The following ILRUN variants were observed in gnomAD, a reference collection of about 807,000 sequenced individuals.
ILRUN encodes the protein protein ILRUN.
ILRUN carries 3 observed loss-of-function variants against 33.8 expected under a neutral mutation model. The ratio of observed to expected loss-of-function variants is 0.09; its 90% CI spans 0.04 to 0.23. The LOEUF (loss-of-function observed/expected upper bound fraction) is 0.23. Ranked by LOEUF, ILRUN falls within the 10% of genes least tolerant of loss-of-function variation. ILRUN has a pLI of 1.00. For synonymous variants in ILRUN, 124 were observed against 138.9 expected (o/e 0.89, Z 0.75); for missense variants, 210 against 375.1 (o/e 0.56, Z 3.64).
intron 3 of ILRUN, among the ~76,000 whole-genome samples, chr6:34,643,433 T>A (rs1488353916): frequency 6.6e-6 from 1 of 152,184 alleles, no homozygotes; most frequent in Non-Finnish European, 1.5e-5. Context: ...GGCAATTTTC[T>A]AACAGTTTCC....
intron 1 of ILRUN, among the ~76,000 whole-genome samples, chr6:34,673,688 G>A (rs1162386652): frequency 6.6e-6 from 1 of 152,256 alleles, no homozygotes; most frequent in East Asian, 1.9e-4. Context: ...GTGCAACACT[G>A]AGTGTGGTGG....
At chr6:34,627,145 G>A (rs144931098) in intron 3 of ILRUN, among the ~76,000 whole-genome samples, 1 of 152,046 alleles carries the variant, frequency 6.6e-6, no homozygotes, top group African/African-American at 2.4e-5. Flanking sequence ...AAATGTCATA[G>A]AGTTGGAATC....
chr6:34,664,883 G>A (rs1207404747), intron 1 of ILRUN, among the ~76,000 whole-genome samples: 1 of 152,180 alleles, frequency 6.6e-6, no homozygotes, highest in Non-Finnish European at 1.5e-5. Context: ...TACCAAACAG[G>A]GAACTTACAA....
chr6:34,624,955 C>CTT (rs776853157), intron 3 of ILRUN, among the ~76,000 whole-genome samples: 1 of 152,090 alleles, frequency 6.6e-6, no homozygotes, highest in Non-Finnish European at 1.5e-5. Flanking sequence ...AGAGGATGGG[C>CTT]TTTAGTTTCT....
At chr6:34,657,374 G>T (rs959180916) in intron 1 of ILRUN, among the ~76,000 whole-genome samples, 1 of 152,194 alleles carries the variant, frequency 6.6e-6, no homozygotes, top group African/African-American at 2.4e-5. Context: ...GACCACTGCA[G>T]TAGGAACACT....
At chr6:34,675,305 A>G (rs2127380263) in intron 1 of ILRUN, among the ~76,000 whole-genome samples, 1 of 152,164 alleles carries the variant, frequency 6.6e-6, no homozygotes, top group Non-Finnish European at 1.5e-5. Flanking sequence ...CAAAAACAAC[A>G]ACAAAAAAGG....
chr6:34,626,713 T>G (rs542914817), intron 3 of ILRUN, among the ~76,000 whole-genome samples: 22 of 152,170 alleles, frequency 1.4e-4, no homozygotes, highest in African/African-American at 4.8e-4. Flanking sequence ...TCCCCCATTA[T>G]ATTAATATAT....
Position 34,632,337 on chromosome 6 carries a change from A to G in ILRUN, c.511+14264T>C, listed in dbSNP as rs1487863329. On this transcript the variant is annotated intron_variant, in intron 3 of 4. Transcript: ENST00000374023. ...ACGCCTATAGTCCTAGCTACTAGAG[A>G]GGCTGAGGCAAGAGAATAGCGTGAA... Among the ~76,000 whole-genome samples the G allele has an allele frequency of 2.6e-5, 4 of 152,204 alleles. No homozygotes were observed. In the South Asian group the frequency reaches 8.3e-4, roughly 32 times the overall value.
At chr6:34,669,289 ATT>A (rs35216384) in intron 1 of ILRUN, among the ~76,000 whole-genome samples, 27 of 118,412 alleles carry the variant, frequency 2.3e-4, no homozygotes, top group South Asian at 1.6e-3. Context: ...ACACCCAGCT[ATT>A]TTTTTTTTTT....
At chr6:34,607,187 C>T (rs1761652399) in intron 3 of ILRUN, among the ~76,000 whole-genome samples, 1 of 152,192 alleles carries the variant, frequency 6.6e-6, no homozygotes, top group Admixed American at 6.5e-5. Flanking sequence ...TGCCAATGCA[C>T]CGTCATCTTT....
chr6:34,654,691 T>C lies in ILRUN; in HGVS notation c.247A>G (p.Ile83Val). ...PSMSFVEDVT[I>V]GEGESIPPDT... ...GGAGGTATTGACTCCCCTTCTCCTATGGTGACATCTTCAACAAAGGACATA... is the reference window on the plus strand; with the variant it reads ...GGAGGTATTGACTCCCCTTCTCCTACGGTGACATCTTCAACAAAGGACATA... The change falls in exon 2 of 5, where the codon ATA (isoleucine) becomes GTA (valine). Residue 83 changes from isoleucine (I) to valine (V), a missense_variant. Physicochemically the swap from Ile to Val is conservative, Grantham distance 29. This residue lies in a region of ILRUN where 8 missense variants were observed against 45.6 expected (regional missense o/e 0.18). Transcript: ENST00000374023. The C allele has an allele frequency of 1.9e-6, 3 of 1,614,156 alleles. No individual in the cohort carries two copies. Among genetic ancestry groups the C allele is most frequent in the East Asian group, 2.2e-5 (1 of 44,880 alleles).
Position 34,588,956 on chromosome 6 carries a change from A to G in ILRUN, c.*1609T>C, listed in dbSNP as rs1443149150. 6.5e-6 allele frequency: 1 copy of G among 152,748 alleles called. No individual in the cohort carries two copies. The highest frequency in any genetic ancestry group is 2.4e-5 in the African/African-American group (1 of 41,440). The allele number at this position is 152,748 out of a possible 1,614,324, so 9.5% of individuals were successfully genotyped here. The stretch of plus-strand genomic sequence containing the variant: ...GCAGACCCTCACCCACACCCAGGCT[A>G]TATGACTCCTTGCAGCCACTCATTA... On this transcript the variant is annotated 3_prime_UTR_variant, in exon 5 of 5. Transcript: ENST00000374023.
At chr6:34,627,364 A>G (rs1478176063) in intron 3 of ILRUN, among the ~76,000 whole-genome samples, 2 of 152,190 alleles carry the variant, frequency 1.3e-5, no homozygotes, top group East Asian at 3.9e-4. Flanking sequence ...TGCTATAAAC[A>G]TCTGTGTGCA....
chr6:34,617,707 C>T (rs1375086393), intron 3 of ILRUN, among the ~76,000 whole-genome samples: 1 of 152,214 alleles, frequency 6.6e-6, no homozygotes, highest in Non-Finnish European at 1.5e-5. Flanking sequence ...CTCCGCATCC[C>T]TACCCATTCT....
intron 3 of ILRUN, among the ~76,000 whole-genome samples, chr6:34,624,160 A>G (rs1031090169): frequency 1.3e-5 from 2 of 151,594 alleles, no homozygotes; most frequent in African/African-American, 2.4e-5. Flanking sequence ...GAATTTACCA[A>G]CCAGTATAAT....
At chr6:34,607,224 AATAG>A (rs1353558026) in intron 3 of ILRUN, among the ~76,000 whole-genome samples, 2 of 151,970 alleles carry the variant, frequency 1.3e-5, no homozygotes, top group Non-Finnish European at 2.9e-5. Flanking sequence ...GAGAACGATC[AATAG>A]ATAGAAATCA....
Position 34,696,468 on chromosome 6 carries a change from A to C in ILRUN, c.136T>G (p.Phe46Val). ...GFQLNPAGCA[F>V]FLDMTNWNLQ... ...CACCAGTTGGTCATGTCCAGGAAGAAGGCGCAACCGGCAGGATTGAGCTGG... is the reference window on the plus strand; with the variant it reads ...CACCAGTTGGTCATGTCCAGGAAGACGGCGCAACCGGCAGGATTGAGCTGG... Residue 46 changes from phenylalanine (F) to valine (V), a missense_variant, in exon 1 of 5, where the codon TTC (phenylalanine) becomes GTC (valine). Phe to Val is a conservative substitution (Grantham distance 50, BLOSUM62 -1). This residue lies in a region of ILRUN where 61 missense variants were observed against 94.4 expected (regional missense o/e 0.65). Coordinates refer to ENST00000374023, the MANE Select transcript of ILRUN (RefSeq NM_024294.4). The C allele has an allele frequency of 6.3e-7, 1 of 1,597,502 alleles. No homozygotes were observed. Among genetic ancestry groups the C allele is most frequent in the Non-Finnish European group, 8.5e-7 (1 of 1,172,864 alleles).
At chr6:34,604,358 T>G (rs1761580186) in intron 4 of ILRUN, among the ~76,000 whole-genome samples, 1 of 151,986 alleles carries the variant, frequency 6.6e-6, no homozygotes, top group Non-Finnish European at 1.5e-5. Context: ...AAAGCATCAG[T>G]CCCTAAAGGA....
intron 1 of ILRUN, among the ~76,000 whole-genome samples, chr6:34,691,612 A>G (rs973921985): frequency 6.6e-6 from 1 of 152,170 alleles, no homozygotes; most frequent in African/African-American, 2.4e-5. Context: ...CTGGACAAAC[A>G]TGGTAAAACC....
Sources: gnomAD v4.1 joint callset for allele counts (sites outside exome capture counted in the v4.1 genomes callset) on GRCh38, gnomAD v4.1.1 for gene constraint, gnomAD v4.1.1 regional missense constraint, MANE v1.5 for transcripts, NCBI Gene and HGNC (gene_info 2026-07-23, HGNC 2026-07-21) for gene names.